SAPCD1: variants seen among roughly 807,000 people sequenced by gnomAD.
SAPCD1 encodes suppressor APC domain-containing protein 1.
A neutral mutation model predicts 20.7 loss-of-function variants in SAPCD1; 16 were observed. The observed-to-expected ratio is 0.77, with a 90% CI of 0.52 to 1.17. The LOEUF is 1.17. Ranked by LOEUF, SAPCD1 falls within the 50% of genes most tolerant of loss-of-function variation. SAPCD1 has a pLI of 0.00. For synonymous variants in SAPCD1, 77 were observed against 84.8 expected, an observed-to-expected ratio of 0.91 and a Z score of 0.50; for missense variants, 173 against 209.9, an observed-to-expected ratio of 0.82 and a Z score of 1.09.
At chr6:31,762,800 G>GA, upstream of SAPCD1, 1 of 542,234 alleles carries the variant, frequency 1.8e-6, no homozygotes, top group East Asian at 3.0e-5. Flanking sequence ...GAAGACTCCC[G>GA]GATTCTACCC....
chr6:31,764,072 A>T lies in SAPCD1; in HGVS notation c.264A>T (p.Leu88=). Reference sequence around the variant, plus strand: ...TCCAACTCCTCCTCTAGAATTTTCTAACAGATTTACACTCAGAGCCTGGTC... The same window carrying T: ...TCCAACTCCTCCTCTAGAATTTTCTTACAGATTTACACTCAGAGCCTGGTC... Residue 88 remains leucine, a synonymous_variant, in exon 3 of 5, where the codon CTA becomes CTT. Transcript: ENST00000415669. The surrounding 1 kb of genome is among the most constrained non-coding windows in gnomAD (Gnocchi z 4.7). 1 of 1,612,298 alleles carries T rather than the reference A, an allele frequency of 6.2e-7. No individual in the cohort carries two copies. Among genetic ancestry groups the T allele is most frequent in the Non-Finnish European group, 8.5e-7 (1 of 1,178,368 alleles).
At position 31,764,602 on chromosome 6, in the gene SAPCD1, TC is replaced by T. The variant is rs1274104502; in HGVS notation, c.*72del. On this transcript the variant is annotated 3_prime_UTR_variant, in exon 5 of 5. Coordinates refer to ENST00000415669, the Ensembl canonical transcript of SAPCD1. The surrounding 1 kb of genome is among the most constrained non-coding windows in gnomAD (Gnocchi z 4.7). ...CAGGCTCCTTTTTCTGTTTCTTAAC[TC>T]AACAGCTAAAAAATGGCTCCAGGTA... 8.9e-6 allele frequency: 10 copies of T among 1,117,820 alleles called. No homozygotes were observed. The highest frequency in any genetic ancestry group is 1.3e-5 in the Non-Finnish European group (10 of 771,760). The allele number at this position is 1,117,820 out of a possible 1,614,324, so 69.2% of individuals were successfully genotyped here.
Position 31,763,199 on chromosome 6 carries a change from G to A in SAPCD1, c.114+31G>A. On this transcript the variant is annotated intron_variant, in intron 1 of 4. Coordinates refer to ENST00000415669, the Ensembl canonical transcript of SAPCD1. This position sits in a 1 kb window ranked among gnomAD's most constrained non-coding sequence, Gnocchi z 4.9. ...TATCAGCCCAACAAGAGGTCCCAGGGGAACTCTCTCAATAGATCTGCCCTT... is the reference window on the plus strand; with the variant it reads ...TATCAGCCCAACAAGAGGTCCCAGGAGAACTCTCTCAATAGATCTGCCCTT... 1 of 1,354,052 alleles carries A rather than the reference G, an allele frequency of 7.4e-7. No individual in the cohort carries two copies. The highest frequency in any genetic ancestry group is 1.0e-6 in the Non-Finnish European group (1 of 976,378). 83.9% of individuals were successfully genotyped at this position (1,354,052 alleles called of 1,614,324 possible).
chr6:31,764,405 A>C lies in SAPCD1; in HGVS notation c.442-31A>C, dbSNP rs1413468272. On this transcript the variant is annotated intron_variant, in intron 4 of 4. Transcript: ENST00000415669. The surrounding 1 kb of genome is among the most constrained non-coding windows in gnomAD (Gnocchi z 4.7). ...AGCCCCACCCTACAGGGCTGGGAGG[A>C]GCCCAGAGGCCCCATCTGTTTCTCC... 6.2e-7 allele frequency: 1 copy of C among 1,610,630 alleles called. No individual in the cohort carries two copies. Among genetic ancestry groups the C allele is most frequent in the African/African-American group, 1.3e-5 (1 of 74,994 alleles).
chr6:31,764,731 T>A lies in SAPCD1; in HGVS notation c.*200T>A. 2.0e-6 allele frequency: 1 copy of A among 507,728 alleles called. No individual in the cohort carries two copies. Among genetic ancestry groups the A allele is most frequent in the Non-Finnish European group, 3.5e-6 (1 of 287,294 alleles). The allele number at this position is 507,728 out of a possible 1,614,324, so 31.5% of individuals were successfully genotyped here. A position where few individuals can be genotyped will look rare whatever the true frequency, so the allele number is the denominator to read the frequency against. ...TGTCCTCATTCTCCCCTATATGACA[T>A]GCAAAAACGATCTTTCTTTGAAATC... On this transcript the variant is annotated 3_prime_UTR_variant, in exon 5 of 5. Coordinates refer to ENST00000415669, the Ensembl canonical transcript of SAPCD1. This position sits in a 1 kb window ranked among gnomAD's most constrained non-coding sequence, Gnocchi z 4.7.
In SAPCD1 at chr6:31,764,388, C is replaced by A. The variant is rs1447309920; in HGVS notation, c.441+33C>A. ...TCAAGAAGGAGGGCAGGAGCCCCAC[C>A]CTACAGGGCTGGGAGGAGCCCAGAG... On this transcript the variant is annotated intron_variant, in intron 4 of 4. Transcript: ENST00000415669. The surrounding 1 kb of genome is among the most constrained non-coding windows in gnomAD (Gnocchi z 4.7). The A allele has an allele frequency of 6.2e-7, 1 of 1,611,072 alleles. No individual in the cohort carries two copies. The highest frequency in any genetic ancestry group is 8.5e-7 in the Non-Finnish European group (1 of 1,177,154).
At position 31,763,839 on chromosome 6, in the gene SAPCD1, A is replaced by G; in HGVS notation, c.256-225A>G. The G allele has an allele frequency of 1.7e-6, 1 of 604,224 alleles. No homozygotes were observed. The highest frequency in any genetic ancestry group is 2.0e-5 in the South Asian group (1 of 49,804). 37.4% of individuals were successfully genotyped at this position (604,224 alleles called of 1,614,324 possible). ...TCCAATGGGGCAGGGATGGACAGGG[A>G]GGCTCCATGAAGAGTAGTGAAAGGG... is the stretch of plus-strand genomic sequence containing the variant. On this transcript the variant is annotated intron_variant, in intron 2 of 4. Coordinates refer to ENST00000415669, the Ensembl canonical transcript of SAPCD1. The surrounding 1 kb of genome is among the most constrained non-coding windows in gnomAD (Gnocchi z 4.9).
In SAPCD1 at chr6:31,763,097, C is replaced by T; in HGVS notation, c.43C>T (p.Pro15Ser). Residue 15 changes from proline to serine, a missense_variant, in exon 1 of 5, where the codon CCC (proline) becomes TCC (serine). By Grantham distance (74) the Pro-to-Ser change is moderately conservative. Transcript: ENST00000415669. This position sits in a 1 kb window ranked among gnomAD's most constrained non-coding sequence, Gnocchi z 4.9. ...TGGCGGGGTGCCCTTGGTGCAGGCT[C>T]CCTACACAGTCCTGCTGCTGCCGCT... 6.4e-7 allele frequency: 1 copy of T among 1,571,340 alleles called. No individual in the cohort carries two copies. The highest frequency in any genetic ancestry group is 2.3e-5 in the East Asian group (1 of 44,236).
chr6:31,764,712 C>T lies in SAPCD1; in HGVS notation c.*181C>T, dbSNP rs908907679. On this transcript the variant is annotated 3_prime_UTR_variant, in exon 5 of 5. Transcript: ENST00000415669. This position sits in a 1 kb window ranked among gnomAD's most constrained non-coding sequence, Gnocchi z 4.7. ...TCATCTTCTTGGTGTCTCATGTCCT[C>T]ATTCTCCCCTATATGACATGCAAAA... 5.1e-6 allele frequency: 3 copies of T among 586,498 alleles called. No homozygotes were observed. Among genetic ancestry groups the T allele is most frequent in the African/African-American group, 3.7e-5 (2 of 53,592 alleles). 36.3% of individuals were successfully genotyped at this position (586,498 alleles called of 1,614,324 possible).
upstream of SAPCD1, chr6:31,762,875 G>C (rs1811147888): frequency 1.8e-6 from 1 of 556,690 alleles, no homozygotes; most frequent in African/African-American, 1.9e-5. Flanking sequence ...AGGGAAGACA[G>C]AGGGGTCCAA....
In SAPCD1 at chr6:31,764,100, C is replaced by T. The variant is rs1234866850; in HGVS notation, c.292C>T (p.Pro98Ser). 2.5e-6 allele frequency: 4 copies of T among 1,613,838 alleles called. No individual in the cohort carries two copies. Among genetic ancestry groups the T allele is most frequent in the Non-Finnish European group, 1.7e-6 (2 of 1,179,760 alleles). Reference sequence around the variant, plus strand: ...AGATTTACACTCAGAGCCTGGTCGCCCCCCGTTAGCCCAGATTCAAAAGGT... The same window carrying T: ...AGATTTACACTCAGAGCCTGGTCGCTCCCCGTTAGCCCAGATTCAAAAGGT... The change falls in exon 3 of 5, where the codon CCC becomes TCC. Residue 98 changes from proline to serine, a missense_variant. Pro to Ser is a moderately conservative substitution (Grantham distance 74, BLOSUM62 -1). Coordinates refer to ENST00000415669, the Ensembl canonical transcript of SAPCD1. The surrounding 1 kb of genome is among the most constrained non-coding windows in gnomAD (Gnocchi z 4.7).
Position 31,763,327 on chromosome 6 carries a change from G to T in SAPCD1, c.115-88G>T. 1 of 1,562,178 alleles carries T rather than the reference G, an allele frequency of 6.4e-7. No individual in the cohort carries two copies. On this transcript the variant is annotated intron_variant, in intron 1 of 4. Coordinates refer to ENST00000415669, the Ensembl canonical transcript of SAPCD1. The surrounding 1 kb of genome is among the most constrained non-coding windows in gnomAD (Gnocchi z 4.9). ...TGGGTTCACACTCAGTGACCACACAGTGAACCCAACTAGGGGTGGAGAGAA... is the reference window on the plus strand; with the variant it reads ...TGGGTTCACACTCAGTGACCACACATTGAACCCAACTAGGGGTGGAGAGAA...
rs1811314037 is a variant in SAPCD1, at chr6:31,764,358, A to G, written c.441+3A>G. On this transcript the variant is annotated splice_donor_region_variant and intron_variant, in intron 4 of 4. Coordinates refer to ENST00000415669, the Ensembl canonical transcript of SAPCD1. This position sits in a 1 kb window ranked among gnomAD's most constrained non-coding sequence, Gnocchi z 4.7. Reference sequence around the variant, plus strand: ...AGCAGAACTTGTGGCAGCAACAGGTAAACTTCAAGAAGGAGGGCAGGAGCC... The same window carrying G: ...AGCAGAACTTGTGGCAGCAACAGGTGAACTTCAAGAAGGAGGGCAGGAGCC... The G allele has an allele frequency of 1.9e-6, 3 of 1,613,802 alleles. No individual in the cohort carries two copies. The highest frequency in any genetic ancestry group is 2.2e-5 in the South Asian group (2 of 91,086).
Position 31,764,280 on chromosome 6 carries a change from A to G in SAPCD1, c.366A>G (p.Pro122=), listed in dbSNP as rs781182738. Reference sequence around the variant, plus strand: ...TTCCCCTCCAGTTCTCCCCAAGTCCACTGAACAAGGCTAGTTCCTGCACCA... The same window carrying G: ...TTCCCCTCCAGTTCTCCCCAAGTCCGCTGAACAAGGCTAGTTCCTGCACCA... The change falls in exon 4 of 5, where the codon CCA becomes CCG. Residue 122 remains proline, a synonymous_variant. Transcript: ENST00000415669. The surrounding 1 kb of genome is among the most constrained non-coding windows in gnomAD (Gnocchi z 4.7). 5 of 1,614,042 alleles carry G rather than the reference A, an allele frequency of 3.1e-6. No homozygotes were observed. In the East Asian group the frequency reaches 1.1e-4, roughly 36 times the overall value.
At position 31,763,445 on chromosome 6, in the gene SAPCD1, C is replaced by T; in HGVS notation, c.145C>T (p.Gln49Ter). Reference sequence around the variant, plus strand: ...CAGGATGCAGGCTCTGGAGAGAGAACAGGATGCCCTGTGGCAGGGTCTGGA... The same window carrying T: ...CAGGATGCAGGCTCTGGAGAGAGAATAGGATGCCCTGTGGCAGGGTCTGGA... Residue 49 changes from glutamine to a stop codon, truncating the protein, a stop_gained, in exon 2 of 5, where the codon CAG (glutamine) becomes TAG (stop). Transcript: ENST00000415669. LOFTEE classifies it high-confidence loss of function. This position sits in a 1 kb window ranked among gnomAD's most constrained non-coding sequence, Gnocchi z 4.9. 6 of 1,613,050 alleles carry T rather than the reference C, an allele frequency of 3.7e-6. No individual in the cohort carries two copies. Among genetic ancestry groups the T allele is most frequent in the South Asian group, 1.1e-5 (1 of 91,090 alleles).
Position 31,762,996 on chromosome 6 carries a change from G to T in SAPCD1, c.-59G>T. 1 of 941,196 alleles carries T rather than the reference G, an allele frequency of 1.1e-6. No individual in the cohort carries two copies. Among genetic ancestry groups the T allele is most frequent in the Non-Finnish European group, 1.6e-6 (1 of 620,228 alleles). The allele number at this position is 941,196 out of a possible 1,614,324, so 58.3% of individuals were successfully genotyped here. On this transcript the variant is annotated 5_prime_UTR_variant, in exon 1 of 5. It introduces an in-frame stop codon into an upstream open reading frame of the 5' UTR. Coordinates refer to ENST00000415669, the Ensembl canonical transcript of SAPCD1. Reference sequence around the variant, plus strand: ...GATGGGTGCAAGGCAGGGGTGGAGGGGAGGGACCAGCCCGGGCTGCACCAG... The same window carrying T: ...GATGGGTGCAAGGCAGGGGTGGAGGTGAGGGACCAGCCCGGGCTGCACCAG...
In SAPCD1 at chr6:31,763,534, G is replaced by A. The variant is rs1811221997; in HGVS notation, c.234G>A (p.Leu78=). 1 of 1,612,126 alleles carries A rather than the reference G, an allele frequency of 6.2e-7. No individual in the cohort carries two copies. The highest frequency in any genetic ancestry group is 1.1e-5 in the South Asian group (1 of 91,038). ...TGAGGGAGGCACAGCGACAGCAGCT[G>A]CATCTAGGGGCCCTTGGTGAGGTAT... Residue 78 remains leucine (L), a synonymous_variant, in exon 2 of 5, where the codon CTG becomes CTA. Transcript: ENST00000415669. The surrounding 1 kb of genome is among the most constrained non-coding windows in gnomAD (Gnocchi z 4.9).
chr6:31,764,842 C>A lies in SAPCD1; in HGVS notation c.*311C>A. ...TGAAACTGCTCCAGAAAGCAGCTTT[C>A]TCCAAAAATGTCTTTGGTTTGTTTC... On this transcript the variant is annotated 3_prime_UTR_variant, in exon 5 of 5. Coordinates refer to ENST00000415669, the Ensembl canonical transcript of SAPCD1. The surrounding 1 kb of genome is among the most constrained non-coding windows in gnomAD (Gnocchi z 4.7). 1 of 463,092 alleles carries A rather than the reference C, an allele frequency of 2.2e-6. No individual in the cohort carries two copies. Among genetic ancestry groups the A allele is most frequent in the African/African-American group, 2.0e-5 (1 of 49,844 alleles). The allele number at this position is 463,092 out of a possible 1,614,324, so 28.7% of individuals were successfully genotyped here.
In SAPCD1 at chr6:31,764,127, A is replaced by G. The variant is rs139214624; in HGVS notation, c.319A>G (p.Asn107Asp). 394 of 1,613,848 alleles carry G rather than the reference A, an allele frequency of 2.4e-4. No homozygotes were observed. The highest frequency in any genetic ancestry group is 3.2e-4 in the Non-Finnish European group (381 of 1,179,822). Residue 107 changes from asparagine (N) to aspartate (D), a missense_variant, in exon 3 of 5, where the codon AAC (asparagine) becomes GAC (aspartate). Physicochemically the swap from Asn to Asp is conservative, Grantham distance 23. Coordinates refer to ENST00000415669, the Ensembl canonical transcript of SAPCD1. The surrounding 1 kb of genome is among the most constrained non-coding windows in gnomAD (Gnocchi z 4.7). ...CCCGTTAGCCCAGATTCAAAAGGTGAACATCTGTTTGCAGAATCTGATTCA... is the reference window on the plus strand; with the variant it reads ...CCCGTTAGCCCAGATTCAAAAGGTGGACATCTGTTTGCAGAATCTGATTCA...
Sources: allele counts gnomAD v4.1 joint callset, GRCh38; gene constraint gnomAD v4.1.1; non-coding constraint Gnocchi (gnomAD v3.1); transcripts MANE v1.5; gene names NCBI Gene and HGNC (gene_info 2026-07-23, HGNC 2026-07-21).